CNNM4: variants seen among roughly 807,000 people sequenced by gnomAD.
CNNM4 encodes the protein cyclin and CBS domain divalent metal cation transport mediator 4.
Under a neutral mutation model 53.7 loss-of-function variants are expected in CNNM4, and 32 were observed. The ratio of observed to expected loss-of-function variants is 0.60; its 90% CI spans 0.45 to 0.80. The LOEUF (loss-of-function observed/expected upper bound fraction) is 0.80, where lower values mean the gene tolerates loss of function less well. Ranked by LOEUF, CNNM4 falls within the 30% of genes least tolerant of loss-of-function variation. The pLI, the probability that CNNM4 is intolerant of heterozygous loss-of-function variation, is 0.00. For missense variants in CNNM4, 784 were observed against 1,022.0 expected, an observed-to-expected ratio of 0.77 and a Z score of 3.17; for synonymous variants, 410 against 440.0, an observed-to-expected ratio of 0.93 and a Z score of 0.85.
chr2:96,797,173 C>T lies in CNNM4; in HGVS notation c.1546+18C>T, dbSNP rs1333152896. ...CATGTACAGTGAGTCCAGCCTTCCA[C>T]AGGGCCCAGGACCCCTTTCCTGCTT... On this transcript the variant is annotated intron_variant, in intron 2 of 6. Coordinates refer to ENST00000377075, the MANE Select transcript of CNNM4 (RefSeq NM_020184.4). This position sits in a 1 kb window ranked among gnomAD's most constrained non-coding sequence, Gnocchi z 6.0. 2 of 1,613,842 alleles carry T rather than the reference C, an allele frequency of 1.2e-6. No homozygotes were observed. The highest frequency in any genetic ancestry group is 1.7e-6 in the Non-Finnish European group (2 of 1,180,006).
intron 1 of CNNM4, among the ~76,000 whole-genome samples, chr2:96,765,920 A>T (rs2078814695): frequency 6.6e-6 from 1 of 150,418 alleles, no homozygotes; most frequent in Non-Finnish European, 1.5e-5. Flanking sequence ...AGTAGCTGGG[A>T]TTACAGGCGC....
intron 1 of CNNM4, among the ~76,000 whole-genome samples, chr2:96,766,369 C>G (rs774079186): frequency 6.6e-6 from 1 of 152,326 alleles, no homozygotes; most frequent in East Asian, 1.9e-4. Flanking sequence ...GCCACCGTGC[C>G]TGGCCCTTTT....
Position 96,761,587 on chromosome 2 carries a change from G to A in CNNM4, c.588G>A (p.Ser196=), listed in dbSNP as rs1367004980. ...TAATTACGGTGCTGCTGGTGCTGTC[G>A]GGCATATTTTCTGGCCTCAACCTCG... is the stretch of plus-strand genomic sequence containing the variant. The part of the protein sequence containing the change: ...ILLITVLLVL[S]GIFSGLNLGL... Residue 196 remains serine (S), a synonymous_variant, in exon 1 of 7, where the codon TCG becomes TCA. Transcript: ENST00000377075. This position sits in a 1 kb window ranked among gnomAD's most constrained non-coding sequence, Gnocchi z 6.0. The A allele has an allele frequency of 1.2e-6, 2 of 1,613,940 alleles. No individual in the cohort carries two copies. The highest frequency in any genetic ancestry group is 2.7e-5 in the African/African-American group (2 of 74,896).
rs558639482 is a variant in CNNM4, at chr2:96,787,369, T to C, written c.1403-9643T>C. ...TTCATTTTGAAAATTTGTATTTCCT[T>C]ATATTTTGTTTGTATTTATTGTATT... On this transcript the variant is annotated intron_variant, in intron 1 of 6. Coordinates refer to ENST00000377075, the MANE Select transcript of CNNM4 (RefSeq NM_020184.4). Among the ~76,000 whole-genome samples, 11 of 152,326 alleles carry C rather than the reference T, an allele frequency of 7.2e-5. No individual in the cohort carries two copies. In the East Asian group the frequency reaches 1.7e-3, roughly 24 times the overall value.
At chr2:96,783,593 C>T (rs1280802023) in intron 1 of CNNM4, among the ~76,000 whole-genome samples, 3 of 152,172 alleles carry the variant, frequency 2.0e-5, no homozygotes, top group Non-Finnish European at 4.4e-5. Context: ...TGCCTGATTT[C>T]CTAATTGTCC....
chr2:96,805,442 T>A (rs1394789559), intron 5 of CNNM4, among the ~76,000 whole-genome samples: 2 of 134,294 alleles, frequency 1.5e-5, no homozygotes, highest in African/African-American at 6.4e-5. Context: ...TTTTTTTTAT[T>A]ATTTTTTTTT....
intron 1 of CNNM4, among the ~76,000 whole-genome samples, chr2:96,787,627 G>A (rs1199820777): frequency 6.6e-6 from 1 of 152,194 alleles, no homozygotes; most frequent in Non-Finnish European, 1.5e-5. Flanking sequence ...GGAGGCCATG[G>A]TGGGAGGATC....
intron 1 of CNNM4, among the ~76,000 whole-genome samples, chr2:96,770,730 C>T (rs1215112398): frequency 1.3e-5 from 2 of 152,354 alleles, no homozygotes; most frequent in East Asian, 3.9e-4. Flanking sequence ...CCTGGCCCCT[C>T]TGAAGGAGTC....
intron 1 of CNNM4, among the ~76,000 whole-genome samples, chr2:96,765,616 C>T (rs1194923502): frequency 2.0e-5 from 3 of 152,106 alleles, no homozygotes; most frequent in African/African-American, 4.8e-5. Context: ...TTTCTTTCCC[C>T]TTTCCAGCAT....
chr2:96,802,446 G>A (rs1026181518), intron 5 of CNNM4, among the ~76,000 whole-genome samples: 3 of 152,244 alleles, frequency 2.0e-5, no homozygotes, highest in Non-Finnish European at 4.4e-5. Context: ...AAGACTTTCC[G>A]ATTTTCTTCA....
chr2:96,809,627 A>G lies in CNNM4; in HGVS notation c.*110A>G. 1 of 985,832 alleles carries G rather than the reference A, an allele frequency of 1.0e-6. No individual in the cohort carries two copies. Among genetic ancestry groups the G allele is most frequent in the Non-Finnish European group, 1.5e-6 (1 of 650,128 alleles). 61.1% of individuals were successfully genotyped at this position (985,832 alleles called of 1,614,324 possible). ...AGGATACGGATAGATAGCCTGTCTG[A>G]CTGAACAGCCAGATGGCCCCCAGCC... On this transcript the variant is annotated 3_prime_UTR_variant, in exon 7 of 7. Coordinates refer to ENST00000377075, the MANE Select transcript of CNNM4 (RefSeq NM_020184.4).
chr2:96,762,992 C>T (rs997675128), intron 1 of CNNM4, among the ~76,000 whole-genome samples: 1 of 151,984 alleles, frequency 6.6e-6, no homozygotes, highest in Non-Finnish European at 1.5e-5. Flanking sequence ...GCTAAGTTTG[C>T]TCCCAGCTTG....
At chr2:96,786,970 A>G (rs1045222438) in intron 1 of CNNM4, among the ~76,000 whole-genome samples, 5 of 152,168 alleles carry the variant, frequency 3.3e-5, no homozygotes, top group African/African-American at 1.2e-4. Context: ...AGCAAAAGTG[A>G]AGGAAACCAG....
chr2:96,810,696 G>T lies in CNNM4; in HGVS notation c.*1179G>T, dbSNP rs1559000230. ...TGTCCTCTCCTCTGTGGCTGGCAAG[G>T]CTCACCTGGCCTTATCCACCCACTT... is the stretch of plus-strand genomic sequence containing the variant. On this transcript the variant is annotated 3_prime_UTR_variant, in exon 7 of 7. Transcript: ENST00000377075. This position sits in a 1 kb window ranked among gnomAD's most constrained non-coding sequence, Gnocchi z 4.1. 6.6e-6 allele frequency: 1 copy of T among 152,208 alleles called. No individual in the cohort carries two copies. The highest frequency in any genetic ancestry group is 1.5e-5 in the Non-Finnish European group (1 of 68,034). The allele number at this position is 152,208 out of a possible 1,614,324, so 9.4% of individuals were successfully genotyped here.
rs1440952250 is a variant in CNNM4 at position 96,801,794 on chromosome 2, A to C, written c.1948+2146A>C. Reference sequence around the variant, plus strand: ...AGACAGAGATACTACAGACACCCATAGACAGAGATATCACACACAGAAACA... The same window carrying C: ...AGACAGAGATACTACAGACACCCATCGACAGAGATATCACACACAGAAACA... On this transcript the variant is annotated intron_variant, in intron 5 of 6. Transcript: ENST00000377075. This position sits in a 1 kb window ranked among gnomAD's most constrained non-coding sequence, Gnocchi z 5.6. Among the ~76,000 whole-genome samples, 1 of 151,818 alleles carries C rather than the reference A, an allele frequency of 6.6e-6. No individual in the cohort carries two copies. The highest frequency in any genetic ancestry group is 1.5e-5 in the Non-Finnish European group (1 of 67,912).
At chr2:96,776,627 G>A (rs551927790) in intron 1 of CNNM4, among the ~76,000 whole-genome samples, 1 of 151,856 alleles carries the variant, frequency 6.6e-6, no homozygotes, top group African/African-American at 2.4e-5. Flanking sequence ...CCTCATTGTG[G>A]TTTTGAGATG....
chr2:96,778,579 C>A (rs920433159), intron 1 of CNNM4, among the ~76,000 whole-genome samples: 1 of 150,982 alleles, frequency 6.6e-6, no homozygotes, highest in African/African-American at 2.4e-5. Context: ...AAAATTATTT[C>A]TATGTATCTT....
rs1453012032 is a variant in CNNM4 at position 96,810,052 on chromosome 2, CTCT to C, written c.*538_*540del. 3.9e-5 allele frequency: 6 copies of C among 153,808 alleles called. No homozygotes were observed. The highest frequency in any genetic ancestry group is 7.3e-5 in the Non-Finnish European group (5 of 68,904). The allele number at this position is 153,808 out of a possible 1,614,324, so 9.5% of individuals were successfully genotyped here. ...GGCTTATCTGTTGGGAGGAAGACAGCTCTTCACAGAAGCAAAGAACAAAATGGC... is the reference window on the plus strand; with the variant it reads ...GGCTTATCTGTTGGGAGGAAGACAGCTCACAGAAGCAAAGAACAAAATGGC... On this transcript the variant is annotated 3_prime_UTR_variant, in exon 7 of 7. Transcript: ENST00000377075. The surrounding 1 kb of genome is among the most constrained non-coding windows in gnomAD (Gnocchi z 4.1).
At position 96,761,771 on chromosome 2, in the gene CNNM4, A is replaced by C. The variant is rs763749179; in HGVS notation, c.772A>C (p.Thr258Pro). Residue 258 changes from threonine to proline, a missense_variant, in exon 1 of 7, where the codon ACA becomes CCA. Physicochemically the swap from Thr to Pro is conservative, Grantham distance 38 (BLOSUM62 -1). Coordinates refer to ENST00000377075, the MANE Select transcript of CNNM4 (RefSeq NM_020184.4). This position sits in a 1 kb window ranked among gnomAD's most constrained non-coding sequence, Gnocchi z 6.0. Reference protein sequence around the residue: ...LGNVLVNTSLTILLDNLIGSG... With the variant: ...LGNVLVNTSLPILLDNLIGSG... ...GAACGTGCTGGTCAACACCTCCCTCACAATCCTTCTAGACAACCTCATCGG... is the reference window on the plus strand; with the variant it reads ...GAACGTGCTGGTCAACACCTCCCTCCCAATCCTTCTAGACAACCTCATCGG... 1 of 1,612,344 alleles carries C rather than the reference A, an allele frequency of 6.2e-7. No individual in the cohort carries two copies. The highest frequency in any genetic ancestry group is 1.1e-5 in the South Asian group (1 of 91,076).
Sources: gnomAD v4.1 joint callset for allele counts (sites outside exome capture counted in the v4.1 genomes callset) on GRCh38, gnomAD v4.1.1 for gene constraint, Gnocchi (gnomAD v3.1) non-coding constraint, MANE v1.5 for transcripts, NCBI Gene and HGNC (gene_info 2026-07-23, HGNC 2026-07-21) for gene names.